The following SEMA5A variants were observed in gnomAD, a reference collection of about 807,000 sequenced individuals.
SEMA5A encodes semaphorin-5A.
SEMA5A carries 55 observed loss-of-function variants against 135.5 expected under a neutral mutation model. The ratio of observed to expected loss-of-function variants is 0.41; its 90% CI spans 0.33 to 0.51. SEMA5A has a LOEUF of 0.51. SEMA5A is among the 20% of genes least tolerant of loss of function. The pLI is 0.37. For synonymous variants in SEMA5A, 580 were observed against 546.5 expected (o/e 1.06, Z -0.85); for missense variants, 1,290 against 1,419.9 (o/e 0.91, Z 1.47).
intron 8 of SEMA5A, among the ~76,000 whole-genome samples, chr5:9,206,921 A>G (rs1402280751): frequency 6.7e-6 from 1 of 149,838 alleles, no homozygotes; most frequent in African/African-American, 2.4e-5. Flanking sequence ...CAGGATGCCA[A>G]TAAATGGTGG....
chr5:9,416,386 G>A (rs189673741), intron 2 of SEMA5A, among the ~76,000 whole-genome samples: 4 of 152,182 alleles, frequency 2.6e-5, no homozygotes, highest in Admixed American at 6.5e-5. Flanking sequence ...CAAAGCCATC[G>A]CCCATCAAAG....
chr5:9,401,106 C>T (rs1163402560), intron 2 of SEMA5A, among the ~76,000 whole-genome samples: 1 of 152,022 alleles, frequency 6.6e-6, no homozygotes, highest in African/African-American at 2.4e-5. Flanking sequence ...ATTCTTTTCC[C>T]AGAATTTTTT....
chr5:9,428,122 C>CTCTATCTA (rs70943964), intron 2 of SEMA5A, among the ~76,000 whole-genome samples: 8,295 of 135,590 alleles, frequency 0.061, 337 homozygotes, highest in Non-Finnish European at 0.07. Flanking sequence ...ATATATTCAA[C>CTCTATCTA]TCTATCTATC....
At chr5:9,433,961 A>AATTGCT (rs1252583504) in intron 2 of SEMA5A, among the ~76,000 whole-genome samples, 3 of 152,198 alleles carry the variant, frequency 2.0e-5, no homozygotes, top group African/African-American at 7.2e-5. Context: ...TTACAATAAC[A>AATTGCT]ATTGCTATTG....
chr5:9,220,442 A>G lies in SEMA5A; in HGVS notation c.646+4232T>C, dbSNP rs530783884. Among the ~76,000 whole-genome samples, 19 of 152,190 alleles carry G rather than the reference A, an allele frequency of 1.2e-4. 1 individual carries two copies. In the South Asian group the frequency reaches 3.9e-3, roughly 32 times the overall value. ...ACCACCTGTGCCCCAGAAATTATTG[A>G]AATAGAAAACTAAGAAAAAACAACA... On this transcript the variant is annotated intron_variant, in intron 8 of 22. Transcript: ENST00000382496.
chr5:9,223,036 C>G (rs563333052), intron 8 of SEMA5A, among the ~76,000 whole-genome samples: 101 of 152,266 alleles, frequency 6.6e-4, no homozygotes, highest in African/African-American at 2.4e-3. Context: ...TCAGAATCAA[C>G]AAACATATGG....
intron 5 of SEMA5A, among the ~76,000 whole-genome samples, chr5:9,259,385 A>G (rs933214307): frequency 1.3e-5 from 2 of 151,930 alleles, no homozygotes; most frequent in African/African-American, 4.8e-5. Context: ...CTTAATCCTG[A>G]GTTCTAGTTT....
At chr5:9,512,334 T>C (rs1736252740) in intron 1 of SEMA5A, among the ~76,000 whole-genome samples, 1 of 152,316 alleles carries the variant, frequency 6.6e-6, no homozygotes, top group East Asian at 1.9e-4. Context: ...TGTGTTTCCA[T>C]ATACCTAACC....
intron 3 of SEMA5A, among the ~76,000 whole-genome samples, chr5:9,339,789 C>T (rs1347810596): frequency 1.3e-5 from 2 of 152,116 alleles, no homozygotes; most frequent in African/African-American, 4.8e-5. Flanking sequence ...ACTCTTGACC[C>T]ATTTGAGCAG....
chr5:9,202,791 A>G (rs1745790843), intron 8 of SEMA5A, among the ~76,000 whole-genome samples: 1 of 152,300 alleles, frequency 6.6e-6, no homozygotes, highest in East Asian at 1.9e-4. Flanking sequence ...GACTAAAACT[A>G]TAAGGTGTGT....
At chr5:9,151,090 A>G (rs1315950761) in intron 12 of SEMA5A, among the ~76,000 whole-genome samples, 1 of 152,190 alleles carries the variant, frequency 6.6e-6, no homozygotes. Context: ...CATCTGAACA[A>G]TGGATATGGT....
In SEMA5A at chr5:9,040,059, T is replaced by C. The variant is rs530593186; in HGVS notation, c.*2838A>G. On this transcript the variant is annotated 3_prime_UTR_variant, in exon 23 of 23. Coordinates refer to ENST00000382496, the MANE Select transcript of SEMA5A (RefSeq NM_003966.3). ...TGTATTCAGAAATAATTTTAGAAGT[T>C]AAATAGTGATTAATGTCATTTTACA... 1 of 152,214 alleles carries C rather than the reference T, an allele frequency of 6.6e-6. No individual in the cohort carries two copies. The highest frequency in any genetic ancestry group is 2.4e-5 in the African/African-American group (1 of 41,462). The allele number at this position is 152,214 out of a possible 1,614,324, so 9.4% of individuals were successfully genotyped here. A position where few individuals can be genotyped will look rare whatever the true frequency, so the allele number is the denominator to read the frequency against.
At position 9,496,749 on chromosome 5, in the gene SEMA5A, A is replaced by C. The variant is rs983245342; in HGVS notation, c.-175+48835T>G. ...AAAAATGACCATCCTGGAGTATTCA[A>C]TTACCTGAGGAAGGCTGGGTCTCCA... On this transcript the variant is annotated intron_variant, in intron 1 of 22. Transcript: ENST00000382496. 7.2e-5 allele frequency among the ~76,000 whole-genome samples: 11 copies of C among 152,310 alleles called. No individual in the cohort carries two copies. The East Asian group carries it at 2.1e-3, about 29-fold the overall frequency.
chr5:9,536,450 T>C (rs376166495), intron 1 of SEMA5A, among the ~76,000 whole-genome samples: 12 of 151,998 alleles, frequency 7.9e-5, no homozygotes, highest in African/African-American at 2.9e-4. Flanking sequence ...CTGTCTCTAC[T>C]AAAAATACAA....
intron 1 of SEMA5A, among the ~76,000 whole-genome samples, chr5:9,457,828 G>A (rs1758897760): frequency 6.6e-6 from 1 of 151,438 alleles, no homozygotes. Context: ...GTTTTGAAAG[G>A]GTCACAGGAT....
At chr5:9,430,119 T>A (rs1179355878) in intron 2 of SEMA5A, among the ~76,000 whole-genome samples, 22 of 152,088 alleles carry the variant, frequency 1.4e-4, no homozygotes, top group Admixed American at 1.4e-3. Context: ...ACAATAAGAT[T>A]TGTTGACAGC....
At chr5:9,104,283 A>G (rs1451149707) in intron 16 of SEMA5A, among the ~76,000 whole-genome samples, 3 of 152,118 alleles carry the variant, frequency 2.0e-5, no homozygotes, top group Admixed American at 6.6e-5. Context: ...AATTTTAATT[A>G]CTCTTAGTGC....
intron 16 of SEMA5A, among the ~76,000 whole-genome samples, chr5:9,082,589 T>C (rs1166353615): frequency 2.0e-5 from 3 of 152,200 alleles, no homozygotes; most frequent in African/African-American, 7.2e-5. Context: ...CTTAACCTAG[T>C]TCCTCCACTT....
intron 1 of SEMA5A, among the ~76,000 whole-genome samples, chr5:9,491,154 C>T (rs760806373): frequency 5.3e-5 from 8 of 152,008 alleles, no homozygotes; most frequent in East Asian, 3.9e-4. Flanking sequence ...TGGACAGAAA[C>T]GGTCATACTT....
Sources: allele counts gnomAD v4.1 joint callset (sites outside exome capture counted in the v4.1 genomes callset), GRCh38; gene constraint gnomAD v4.1.1; transcripts MANE v1.5; gene names NCBI Gene and HGNC (gene_info 2026-07-23, HGNC 2026-07-21).